Variants in RASGRF2 observed in about 807,000 individuals in gnomAD.
The protein encoded by RASGRF2 is ras-specific guanine nucleotide-releasing factor 2.
RASGRF2 carries 76 observed loss-of-function variants against 151.0 expected under a neutral mutation model. That is an observed-to-expected ratio of 0.50 (90% CI 0.42 to 0.61). The LOEUF is 0.61. Among genes scored for constraint, RASGRF2 ranks in the 20% least tolerant of loss-of-function variants. RASGRF2 has a pLI of 0.00. For missense variants in RASGRF2, 1,148 were observed against 1,564.6 expected, an observed-to-expected ratio of 0.73 and a Z score of 4.49; for synonymous variants, 504 against 566.5, an observed-to-expected ratio of 0.89 and a Z score of 1.57.
At chr5:81,188,855 A>G (rs1290204724) in intron 18 of RASGRF2, among the ~76,000 whole-genome samples, 2 of 152,156 alleles carry the variant, frequency 1.3e-5, no homozygotes, top group Admixed American at 1.3e-4. Flanking sequence ...GGGAACCCCC[A>G]ATCTTGCAGC....
intron 18 of RASGRF2, among the ~76,000 whole-genome samples, chr5:81,196,671 A>G (rs1487386140): frequency 1.3e-5 from 2 of 149,166 alleles, no homozygotes; most frequent in African/African-American, 5.0e-5. Flanking sequence ...GTACTCACTA[A>G]TGCCGGTTGA....
At chr5:81,198,232 A>G (rs574570915) in intron 18 of RASGRF2, among the ~76,000 whole-genome samples, 44 of 152,194 alleles carry the variant, frequency 2.9e-4, no homozygotes, top group African/African-American at 9.2e-4. Context: ...TGAATATAGT[A>G]TACAACAGGA....
intron 1 of RASGRF2, among the ~76,000 whole-genome samples, chr5:80,989,425 G>A (rs1748579645): frequency 6.6e-6 from 1 of 152,136 alleles, no homozygotes; most frequent in Non-Finnish European, 1.5e-5. Context: ...ACATACTTAT[G>A]GAAATGTTAC....
Position 81,225,791 on chromosome 5 carries a change from G to A in RASGRF2, c.*21G>A. 1 of 1,606,934 alleles carries A rather than the reference G, an allele frequency of 6.2e-7. No homozygotes were observed. Among genetic ancestry groups the A allele is most frequent in the Non-Finnish European group, 8.5e-7 (1 of 1,178,300 alleles). On this transcript the variant is annotated 3_prime_UTR_variant, in exon 27 of 27. Coordinates refer to ENST00000265080, the MANE Select transcript of RASGRF2 (RefSeq NM_006909.3). The stretch of plus-strand genomic sequence containing the variant: ...CTTGAAGATCTGGCCTTGCCCCTGA[G>A]TCCACGGGATGTTCATGGAAAGCAG...
chr5:81,144,649 A>G (rs1753962489), intron 17 of RASGRF2, among the ~76,000 whole-genome samples: 1 of 152,246 alleles, frequency 6.6e-6, no homozygotes, highest in Non-Finnish European at 1.5e-5. Flanking sequence ...CTTATTATCA[A>G]CATAGCAATG....
intron 15 of RASGRF2, among the ~76,000 whole-genome samples, chr5:81,118,345 G>A (rs934973884): frequency 4.6e-5 from 7 of 152,206 alleles, no homozygotes; most frequent in Admixed American, 2.6e-4. Context: ...CCTCTGGTGC[G>A]GTGGCCGAAG....
chr5:80,987,682 T>C (rs557190908), intron 1 of RASGRF2, among the ~76,000 whole-genome samples: 1 of 152,280 alleles, frequency 6.6e-6, no homozygotes, highest in African/African-American at 2.4e-5. Flanking sequence ...AAAGTCAGAA[T>C]AGTGATGAGC....
chr5:81,200,805 A>G (rs1204330154), intron 18 of RASGRF2, among the ~76,000 whole-genome samples: 1 of 152,208 alleles, frequency 6.6e-6, no homozygotes, highest in Non-Finnish European at 1.5e-5. Flanking sequence ...GAGAGTGCAT[A>G]TCATCTCCTA....
At chr5:81,202,539 C>T (rs1390886803) in intron 19 of RASGRF2, among the ~76,000 whole-genome samples, 2 of 152,204 alleles carry the variant, frequency 1.3e-5, no homozygotes, top group Non-Finnish European at 2.9e-5. Context: ...CATAGCCAGA[C>T]CGTTCTTTGG....
intron 1 of RASGRF2, among the ~76,000 whole-genome samples, chr5:80,972,733 G>A (rs1276400065): frequency 6.6e-6 from 1 of 152,140 alleles, no homozygotes; most frequent in Non-Finnish European, 1.5e-5. Flanking sequence ...GCCCACCTCG[G>A]CCTCCCAAAG....
intron 12 of RASGRF2, among the ~76,000 whole-genome samples, chr5:81,106,368 C>A (rs956697754): frequency 2.0e-5 from 3 of 152,038 alleles, no homozygotes; most frequent in African/African-American, 7.3e-5. Context: ...TCTGATCATC[C>A]CTTGGGTCTC....
intron 12 of RASGRF2, among the ~76,000 whole-genome samples, chr5:81,098,003 G>T (rs1345070204): frequency 6.6e-6 from 1 of 152,236 alleles, no homozygotes; most frequent in Non-Finnish European, 1.5e-5. Flanking sequence ...GCAGGGAGAT[G>T]AGTGAGCAGG....
At chr5:81,192,625 C>T (rs143205016) in intron 18 of RASGRF2, among the ~76,000 whole-genome samples, 2,296 of 152,298 alleles carry the variant, frequency 0.015, 44 homozygotes, top group African/African-American at 0.043. Context: ...TTAGCCAGCA[C>T]AATCTCCCCT....
In RASGRF2 at chr5:80,962,980, A is replaced by G. The variant is rs530287703; in HGVS notation, c.288+1954A>G. Among the ~76,000 whole-genome samples, 3 of 152,302 alleles carry G rather than the reference A, an allele frequency of 2.0e-5. 1 individual carries two copies. The South Asian group carries it at 6.2e-4, about 32-fold the overall frequency. ...TAGAGAAGCAAGCATTCCAGAATGG[A>G]TTAGGAGTTGGGCTGGGAAACCTTC... On this transcript the variant is annotated intron_variant, in intron 1 of 26. Transcript: ENST00000265080.
At chr5:81,161,921 T>C (rs1754394084) in intron 17 of RASGRF2, among the ~76,000 whole-genome samples, 1 of 152,050 alleles carries the variant, frequency 6.6e-6, no homozygotes, top group South Asian at 2.1e-4. Context: ...TTTTTTTTTT[T>C]CTGAAGCTAC....
intron 4 of RASGRF2, among the ~76,000 whole-genome samples, chr5:81,070,961 G>T (rs6863851): frequency 0.015 from 2,301 of 152,070 alleles, 62 homozygotes; most frequent in African/African-American, 0.052. Flanking sequence ...TTTTTGGGGG[G>T]CATGTGTGAA....
chr5:81,196,699 C>A lies in RASGRF2; in HGVS notation c.2794-4631C>A, dbSNP rs999195103. 3.3e-5 allele frequency among the ~76,000 whole-genome samples: 5 copies of A among 150,076 alleles called. No individual in the cohort carries two copies. In the East Asian group the frequency reaches 1.0e-3, roughly 30 times the overall value. ...CCGGTTGATCAAACCACTAATTGACCCTCAGCACGGTCTAAACAGTAACCT... is the reference window on the plus strand; with the variant it reads ...CCGGTTGATCAAACCACTAATTGACACTCAGCACGGTCTAAACAGTAACCT... On this transcript the variant is annotated intron_variant, in intron 18 of 26. Transcript: ENST00000265080.
At position 81,109,044 on chromosome 5, in the gene RASGRF2, G is replaced by A; in HGVS notation, c.1804G>A (p.Glu602Lys). 1 of 1,611,340 alleles carries A rather than the reference G, an allele frequency of 6.2e-7. No homozygotes were observed. Among genetic ancestry groups the A allele is most frequent in the East Asian group, 2.2e-5 (1 of 44,766 alleles). Residue 602 changes from glutamate to lysine, a missense_variant, in exon 13 of 27, where the codon GAG (glutamate) becomes AAG (lysine). Transcript: ENST00000265080. ...TGGTTTAATGACTATAGTGTTTGAA[G>A]AGAATTCCAAAGTCACTGTGCCACA... ...CNGLMTIVFE[E>K]NSKVTVPHMI...
At chr5:80,990,438 C>T (rs993391525) in intron 1 of RASGRF2, among the ~76,000 whole-genome samples, 24 of 152,080 alleles carry the variant, frequency 1.6e-4, no homozygotes, top group Non-Finnish European at 3.2e-4. Context: ...TGAAAGGAGT[C>T]GGGAGGGGGC....
Sources: allele counts gnomAD v4.1 joint callset (sites outside exome capture counted in the v4.1 genomes callset), GRCh38; gene constraint gnomAD v4.1.1; transcripts MANE v1.5; gene names NCBI Gene and HGNC (gene_info 2026-07-23, HGNC 2026-07-21).